PCDHGA6: variants seen among roughly 807,000 people sequenced by gnomAD.
PCDHGA6 encodes the protein protocadherin gamma subfamily A, 6.
In PCDHGA6, 41 loss-of-function variants were observed where a neutral mutation model predicts 60.6. The observed-to-expected ratio is 0.68, with a 90% confidence interval of 0.53 to 0.88. The LOEUF is 0.88. PCDHGA6 is among the 40% of genes least tolerant of loss of function. The probability of loss-of-function intolerance (pLI) is 0.00; values close to 1 mark genes in which losing one functional copy is unlikely to be tolerated. For synonymous variants in PCDHGA6, 594 were observed against 524.4 expected (o/e 1.13, Z -1.81); for missense variants, 1,312 against 1,203.0 (o/e 1.09, Z -1.34).
At chr5:141,474,148 A>G (rs773360112) in intron 1 of PCDHGA6, among the ~76,000 whole-genome samples, 4 of 152,244 alleles carry the variant, frequency 2.6e-5, no homozygotes, top group Non-Finnish European at 5.9e-5. Context: ...CTTATTATCA[A>G]GAAAATGACA....
Position 141,438,902 on chromosome 5 carries a change from G to A in PCDHGA6, c.2425-55905G>A, listed in dbSNP as rs185216039. 2.0e-5 allele frequency among the ~76,000 whole-genome samples: 3 copies of A among 151,906 alleles called. No homozygotes were observed. The East Asian group carries it at 5.8e-4, about 29-fold the overall frequency. On this transcript the variant is annotated intron_variant, in intron 1 of 3. Coordinates refer to ENST00000517434, the MANE Select transcript of PCDHGA6 (RefSeq NM_018919.3). ...GCTGCTCTTGAACTCCTGACCTCAGGTGATCCACCTGCCTTGGCCTCCCAA... is the reference window on the plus strand; with the variant it reads ...GCTGCTCTTGAACTCCTGACCTCAGATGATCCACCTGCCTTGGCCTCCCAA...
intron 1 of PCDHGA6, chr5:141,392,828 G>T: frequency 6.2e-7 from 1 of 1,604,008 alleles, no homozygotes; most frequent in Non-Finnish European, 8.5e-7. Context: ...CCGCTCCACA[G>T]AGTCGCCCCA....
rs549047197 is a variant in PCDHGA6, at chr5:141,502,866, C to CTTTTTTTTTTTTTTT, written c.2484-2513_2484-2512insTTTTTTTTTTTTTTT. Reference sequence around the variant, plus strand: ...GAGCTGCCTAACCCTGACTCTCTGTCTTTTTTTTTTTTTTGACAGGGAGTC... The same window carrying CTTTTTTTTTTTTTTT: ...GAGCTGCCTAACCCTGACTCTCTGTCTTTTTTTTTTTTTTTTTTTTTTTTTTTTTGACAGGGAGTC... On this transcript the variant is annotated intron_variant, in intron 2 of 3. Coordinates refer to ENST00000517434, the MANE Select transcript of PCDHGA6 (RefSeq NM_018919.3). 1.1e-4 allele frequency among the ~76,000 whole-genome samples: 14 copies of CTTTTTTTTTTTTTTT among 128,026 alleles called. 3 individuals are homozygous for CTTTTTTTTTTTTTTT. Among genetic ancestry groups the CTTTTTTTTTTTTTTT allele is most frequent in the Admixed American group, 1.7e-4 (2 of 11,664 alleles). The allele number at this position is 128,026 out of a possible 152,430, so 84.0% of individuals were successfully genotyped here.
At chr5:141,422,897 A>AT (rs778069795) in intron 1 of PCDHGA6, 4 of 1,614,212 alleles carry the variant, frequency 2.5e-6, no homozygotes, top group Non-Finnish European at 3.4e-6. Flanking sequence ...CTGGACCAGA[A>AT]CGACAATGCG....
At chr5:141,482,561 T>C (rs1411268228) in intron 1 of PCDHGA6, among the ~76,000 whole-genome samples, 3 of 136,978 alleles carry the variant, frequency 2.2e-5, no homozygotes, top group African/African-American at 8.6e-5. Flanking sequence ...ATAATGGAGA[T>C]CTGCATAGCA....
intron 1 of PCDHGA6, chr5:141,414,584 C>G (rs1359132446): frequency 3.1e-6 from 5 of 1,613,956 alleles, no homozygotes; most frequent in Non-Finnish European, 4.2e-6. Context: ...GAGAACAACG[C>G]CAGGGGTGCC....
At chr5:141,422,950 G>A (rs1388735971) in intron 1 of PCDHGA6, 2 of 1,614,230 alleles carry the variant, frequency 1.2e-6, no homozygotes, top group South Asian at 1.1e-5. Flanking sequence ...CGGCTCCACT[G>A]GCGTGGAGCT....
chr5:141,390,210 G>T, intron 1 of PCDHGA6: 1 of 1,614,046 alleles, frequency 6.2e-7, no homozygotes, highest in Non-Finnish European at 8.5e-7. Context: ...TTCAGGACAA[G>T]ACATACTTTG....
intron 1 of PCDHGA6, chr5:141,408,389 G>T: frequency 6.2e-7 from 1 of 1,614,032 alleles, no homozygotes; most frequent in Non-Finnish European, 8.5e-7. Flanking sequence ...GGATGTGTCG[G>T]CTCGCAAGCT....
intron 1 of PCDHGA6, chr5:141,385,078 G>C (rs755613540): frequency 6.2e-7 from 1 of 1,614,222 alleles, no homozygotes. Context: ...CCTGCTGCAG[G>C]CTTCAGAAGG....
intron 1 of PCDHGA6, among the ~76,000 whole-genome samples, chr5:141,458,890 C>A (rs369529373): frequency 2.0e-5 from 3 of 152,042 alleles, no homozygotes; most frequent in African/African-American, 7.2e-5. Flanking sequence ...GCACACCATG[C>A]GCAGCTAATT....
At chr5:141,403,724 G>A (rs373210176) in intron 1 of PCDHGA6, 2 of 1,613,924 alleles carry the variant, frequency 1.2e-6, no homozygotes, top group Non-Finnish European at 1.7e-6. Flanking sequence ...CGTGCCCCCA[G>A]GCACCTGGCT....
At chr5:141,468,797 C>A (rs191599825) in intron 1 of PCDHGA6, among the ~76,000 whole-genome samples, 1 of 151,770 alleles carries the variant, frequency 6.6e-6, no homozygotes, top group East Asian at 1.9e-4. Context: ...ACCCGGGAGG[C>A]GGAACTTGCA....
chr5:141,489,713 A>G lies in PCDHGA6; in HGVS notation c.2425-5094A>G. On this transcript the variant is annotated intron_variant, in intron 1 of 3. Coordinates refer to ENST00000517434, the MANE Select transcript of PCDHGA6 (RefSeq NM_018919.3). The surrounding 1 kb of genome is among the most constrained non-coding windows in gnomAD (Gnocchi z 4.5). The stretch of plus-strand genomic sequence containing the variant: ...GCACGATTCCCACTGGACAGTGCCC[A>G]GGATCCGGATGTGGGCACCAATACT... 1.9e-6 allele frequency: 3 copies of G among 1,614,162 alleles called. No individual in the cohort carries two copies. The highest frequency in any genetic ancestry group is 2.5e-6 in the Non-Finnish European group (3 of 1,179,968).
intron 1 of PCDHGA6, chr5:141,383,693 A>C (rs771447649): frequency 3.7e-6 from 6 of 1,613,930 alleles, no homozygotes; most frequent in Non-Finnish European, 5.1e-6. Context: ...CTCACGGTAC[A>C]TGCTATCGAC....
At chr5:141,415,810 T>TATATATC in intron 1 of PCDHGA6, 1 of 1,360,418 alleles carries the variant, frequency 7.4e-7, no homozygotes, top group Non-Finnish European at 9.5e-7. Flanking sequence ...AATCAAGGCC[T>TATATATC]ATATATCATA....
chr5:141,463,616 T>C (rs941383375), intron 1 of PCDHGA6, among the ~76,000 whole-genome samples: 28 of 151,762 alleles, frequency 1.8e-4, no homozygotes, highest in Non-Finnish European at 2.1e-4. Flanking sequence ...GCCCGGCTAA[T>C]TTTTTGTATT....
chr5:141,501,141 A>G (rs940603527), intron 2 of PCDHGA6, among the ~76,000 whole-genome samples: 8 of 152,184 alleles, frequency 5.3e-5, no homozygotes, highest in Admixed American at 5.2e-4. Context: ...TGCTGGGATT[A>G]CAGGTGGGAG....
chr5:141,488,714 A>G (rs2099678684), intron 1 of PCDHGA6, among the ~76,000 whole-genome samples: 1 of 152,192 alleles, frequency 6.6e-6, no homozygotes, highest in Non-Finnish European at 1.5e-5. Flanking sequence ...TGGTTCAAGC[A>G]AAGTGGTGGA....
Sources: allele counts gnomAD v4.1 joint callset (sites outside exome capture counted in the v4.1 genomes callset), GRCh38; gene constraint gnomAD v4.1.1; non-coding constraint Gnocchi (gnomAD v3.1); transcripts MANE v1.5; gene names NCBI Gene and HGNC (gene_info 2026-07-23, HGNC 2026-07-21).